XYLT1: variants seen among roughly 807,000 people sequenced by gnomAD.
XYLT1 encodes xylosyltransferase 1, also known as beta-D-xylosyltransferase 1.
Under a neutral mutation model 91.3 loss-of-function variants are expected in XYLT1, and 36 were observed. That is an observed-to-expected ratio of 0.39 (90% CI 0.30 to 0.52). The LOEUF is 0.52. XYLT1 is among the 20% of genes least tolerant of loss of function. The pLI, the probability that XYLT1 is intolerant of heterozygous loss-of-function variation, is 0.68. For missense variants in XYLT1, 1,242 were observed against 1,284.5 expected (o/e 0.97, Z 0.51); for synonymous variants, 588 against 532.0 (o/e 1.11, Z -1.45).
At chr16:17,179,055 T>G (rs1288697329) in intron 5 of XYLT1, among the ~76,000 whole-genome samples, 1 of 149,676 alleles carries the variant, frequency 6.7e-6, no homozygotes, top group Non-Finnish European at 1.5e-5. Flanking sequence ...GGTGACAGAA[T>G]GAGACCCTGT....
Position 17,333,474 on chromosome 16 carries a change from G to A in XYLT1, c.402+24538C>T, listed in dbSNP as rs114321012. Among the ~76,000 whole-genome samples, 412 of 152,170 alleles carry A rather than the reference G, an allele frequency of 2.7e-3. 1 individual carries two copies. Among genetic ancestry groups the A allele is most frequent in the African/African-American group, 9.4e-3 (392 of 41,496 alleles). On this transcript the variant is annotated intron_variant, in intron 2 of 11. Coordinates refer to ENST00000261381, the MANE Select transcript of XYLT1 (RefSeq NM_022166.4). ...CTACCATATGGGACAGCACAGATCT[G>A]GAGCTAAAGTGTGAAGTGATTGTTT...
In XYLT1 at chr16:17,288,106, G is replaced by A. The variant is rs144529450; in HGVS notation, c.403-28608C>T. 7.9e-5 allele frequency among the ~76,000 whole-genome samples: 12 copies of A among 151,484 alleles called. No homozygotes were observed. The East Asian group carries it at 2.4e-3, about 30-fold the overall frequency. ...CACCAGCTAATTTATTTATTTATTT[G>A]TAGTAGAAGATGAGGTCCTACTATG... On this transcript the variant is annotated intron_variant, in intron 2 of 11. Coordinates refer to ENST00000261381, the MANE Select transcript of XYLT1 (RefSeq NM_022166.4).
In XYLT1 at chr16:17,470,581, G is replaced by C. The variant is rs1170984764; in HGVS notation, c.216C>G (p.Ala72=). 14 of 1,195,146 alleles carry C rather than the reference G, an allele frequency of 1.2e-5. No individual in the cohort carries two copies. The South Asian group carries it at 3.3e-4, about 28-fold the overall frequency. 74.0% of individuals were successfully genotyped at this position (1,195,146 alleles called of 1,614,324 possible). The change falls in exon 1 of 12, where the codon GCC becomes GCG. Residue 72 remains alanine, a synonymous_variant. Transcript: ENST00000261381. The part of the protein sequence containing the change: ...APRRERRDLP[A]EPAAARGGGG... ...CTCCTCCTCGGGCTGCAGCCGGCTCGGCGGGCAGGTCCCGGCGCTCCCGGC... is the reference window on the plus strand; with the variant it reads ...CTCCTCCTCGGGCTGCAGCCGGCTCCGCGGGCAGGTCCCGGCGCTCCCGGC...
At chr16:17,175,248 T>G (rs550759806) in intron 5 of XYLT1, among the ~76,000 whole-genome samples, 1 of 152,114 alleles carries the variant, frequency 6.6e-6, no homozygotes. Context: ...CCCCCTAAAA[T>G]AGGCAGCAGT....
chr16:17,327,057 T>C (rs2034815348), intron 2 of XYLT1, among the ~76,000 whole-genome samples: 1 of 152,152 alleles, frequency 6.6e-6, no homozygotes, highest in South Asian at 2.1e-4. Context: ...AGTTATACAA[T>C]AGACAAGTTC....
At chr16:17,298,629 T>C (rs2034350689) in intron 2 of XYLT1, among the ~76,000 whole-genome samples, 1 of 152,142 alleles carries the variant, frequency 6.6e-6, no homozygotes, top group African/African-American at 2.4e-5. Context: ...CAGTCAGCTC[T>C]CCCCTCTCTG....
intron 5 of XYLT1, among the ~76,000 whole-genome samples, chr16:17,178,533 G>C (rs2031995171): frequency 1.3e-5 from 2 of 152,290 alleles, no homozygotes; most frequent in Non-Finnish European, 2.9e-5. Context: ...ATTTGAAAGG[G>C]CTGAGATGTA....
intron 1 of XYLT1, among the ~76,000 whole-genome samples, chr16:17,382,111 T>C (rs1309695353): frequency 6.6e-6 from 1 of 151,856 alleles, no homozygotes; most frequent in African/African-American, 2.4e-5. Flanking sequence ...ACCCACTATG[T>C]GCTGGGCACT....
At chr16:17,450,513 TG>T (rs2036653024) in intron 1 of XYLT1, among the ~76,000 whole-genome samples, 1 of 152,170 alleles carries the variant, frequency 6.6e-6, no homozygotes, top group African/African-American at 2.4e-5. Context: ...CACACACGGC[TG>T]GAAGAAGAGA....
At chr16:17,119,368 C>T (rs1036532417) in intron 10 of XYLT1, among the ~76,000 whole-genome samples, 1 of 152,186 alleles carries the variant, frequency 6.6e-6, no homozygotes, top group African/African-American at 2.4e-5. Flanking sequence ...TTTGAGGACA[C>T]AGCATGTGGG....
At chr16:17,345,579 A>C (rs892398065) in intron 2 of XYLT1, among the ~76,000 whole-genome samples, 35 of 152,358 alleles carry the variant, frequency 2.3e-4, no homozygotes, top group African/African-American at 7.9e-4. Context: ...TCCTCTTAGC[A>C]GTCCTCATGG....
intron 1 of XYLT1, among the ~76,000 whole-genome samples, chr16:17,372,735 C>G (rs2035552128): frequency 6.6e-6 from 1 of 152,168 alleles, no homozygotes; most frequent in Non-Finnish European, 1.5e-5. Flanking sequence ...AATGCCGGCT[C>G]AATTATTTTC....
chr16:17,161,406 C>G (rs534385300), intron 5 of XYLT1, among the ~76,000 whole-genome samples: 3 of 152,126 alleles, frequency 2.0e-5, no homozygotes, highest in African/African-American at 7.2e-5. Flanking sequence ...GATGGATTGT[C>G]TGGAAGGGTG....
intron 1 of XYLT1, among the ~76,000 whole-genome samples, chr16:17,377,968 G>A (rs1299649256): frequency 6.6e-6 from 1 of 152,162 alleles, no homozygotes; most frequent in African/African-American, 2.4e-5. Flanking sequence ...AGGCTTTGGA[G>A]GACAAAGAAG....
intron 1 of XYLT1, among the ~76,000 whole-genome samples, chr16:17,460,686 G>C (rs2036808342): frequency 6.6e-6 from 1 of 152,096 alleles, no homozygotes; most frequent in Admixed American, 6.5e-5. Context: ...CCTCAGCTTG[G>C]CTGTTTAACA....
intron 1 of XYLT1, among the ~76,000 whole-genome samples, chr16:17,402,747 T>C (rs1015285775): frequency 6.6e-6 from 1 of 150,814 alleles, no homozygotes; most frequent in Admixed American, 6.6e-5. Flanking sequence ...TCTTTTCTTT[T>C]TTTTTTTTTT....
intron 1 of XYLT1, among the ~76,000 whole-genome samples, chr16:17,385,743 G>A (rs1240073763): frequency 6.6e-6 from 1 of 151,844 alleles, no homozygotes. Context: ...GAGCTCTGGA[G>A]TTGACAGTCA....
chr16:17,425,664 T>C (rs889589316), intron 1 of XYLT1, among the ~76,000 whole-genome samples: 1 of 152,210 alleles, frequency 6.6e-6, no homozygotes, highest in Non-Finnish European at 1.5e-5. Context: ...CTGCTGTTCA[T>C]TCCACCTGCT....
chr16:17,311,821 T>C (rs1166192745), intron 2 of XYLT1, among the ~76,000 whole-genome samples: 2 of 92,858 alleles, frequency 2.2e-5, no homozygotes, highest in East Asian at 5.5e-4. Flanking sequence ...AAAAGGCACG[T>C]CTTACATGGC....
Sources: gnomAD v4.1 joint callset for allele counts (sites outside exome capture counted in the v4.1 genomes callset) on GRCh38, gnomAD v4.1.1 for gene constraint, MANE v1.5 for transcripts, NCBI Gene and HGNC (gene_info 2026-07-23, HGNC 2026-07-21) for gene names.